LRRK1: variants seen among roughly 807,000 people sequenced by gnomAD.
LRRK1 encodes leucine rich repeat kinase 1, also known as leucine-rich repeat serine/threonine-protein kinase 1.
In LRRK1, 113 loss-of-function variants were observed where a neutral mutation model predicts 209.1. That is an observed-to-expected ratio of 0.54 (90% CI 0.46 to 0.63). The LOEUF is 0.63. LRRK1 is among the 30% of genes least tolerant of loss of function. The probability of loss-of-function intolerance (pLI) is 0.00; values close to 1 mark genes in which losing one functional copy is unlikely to be tolerated. For synonymous variants in LRRK1, 1,144 were observed against 1,099.7 expected (o/e 1.04, Z -0.80); for missense variants, 2,284 against 2,632.2 (o/e 0.87, Z 2.89).
At chr15:101,067,969 C>A (rs943075687) in intron 33 of LRRK1, among the ~76,000 whole-genome samples, 1 of 152,296 alleles carries the variant, frequency 6.6e-6, no homozygotes, top group Non-Finnish European at 1.5e-5. Context: ...CAAGGCCACG[C>A]GGAGTGAGAG....
intron 10 of LRRK1, 109 bp downstream of exon 10, chr15:101,012,254 G>A: frequency 1.9e-6 from 2 of 1,034,158 alleles, no homozygotes; most frequent in Non-Finnish European, 2.8e-6. Flanking sequence ...AAATATAAGG[G>A]GAAAAGATGA....
chr15:100,922,998 C>T lies in LRRK1; in HGVS notation c.-122-1513C>T, dbSNP rs114516494. Among the ~76,000 whole-genome samples the T allele has an allele frequency of 1.3e-4, 20 of 152,294 alleles. 1 individual carries two copies. Among genetic ancestry groups the T allele is most frequent in the African/African-American group, 4.3e-4 (18 of 41,560 alleles). On this transcript the variant is annotated intron_variant, in intron 1 of 33. Transcript: ENST00000388948. ...TTGTCCTGTACCTTACTTCGTGCCC[C>T]TACTGCTCACGGCATCTTCTAGAAC...
chr15:100,928,311 G>C (rs768106146), intron 2 of LRRK1, among the ~76,000 whole-genome samples: 9 of 152,162 alleles, frequency 5.9e-5, no homozygotes, highest in Non-Finnish European at 8.8e-5. Flanking sequence ...TATGACTGCA[G>C]CTGATCCCCC....
chr15:100,960,984 T>C (rs2029901159), intron 2 of LRRK1, among the ~76,000 whole-genome samples: 1 of 152,224 alleles, frequency 6.6e-6, no homozygotes, highest in Admixed American at 6.5e-5. Flanking sequence ...GTCTCATGTT[T>C]GGCTGTTGTC....
intron 6 of LRRK1, among the ~76,000 whole-genome samples, chr15:100,992,488 T>A (rs1567219824): frequency 6.6e-6 from 1 of 152,248 alleles, no homozygotes; most frequent in African/African-American, 2.4e-5. Context: ...ACAGTTTTAC[T>A]TTTTCTCTTT....
intron 32 of LRRK1, 28 bp from the exon 33 acceptor site, chr15:101,066,612 C>T (rs117861619): frequency 0.018 from 29,159 of 1,607,178 alleles, 357 homozygotes; most frequent in Non-Finnish European, 0.02. Flanking sequence ...CGACAAATCG[C>T]TTCCCCTTCT....
rs1192723626 is a variant in LRRK1, at chr15:101,076,932, T to A, written c.*8084T>A. 6.6e-6 allele frequency: 1 copy of A among 152,266 alleles called. No individual in the cohort carries two copies. Among genetic ancestry groups the A allele is most frequent in the Non-Finnish European group, 1.5e-5 (1 of 68,056 alleles). 9.4% of individuals were successfully genotyped at this position (152,266 alleles called of 1,614,324 possible). A position where few individuals can be genotyped will look rare whatever the true frequency, so the allele number is the denominator to read the frequency against. On this transcript the variant is annotated 3_prime_UTR_variant, in exon 34 of 34. Transcript: ENST00000388948. ...TTCCTCGGTTTGGCCTTCCCACCTC[T>A]ATACTGTCTGATAACAGACCAGCCT...
chr15:101,023,170 G>A (rs1396020855), intron 15 of LRRK1, among the ~76,000 whole-genome samples: 8 of 152,038 alleles, frequency 5.3e-5, no homozygotes, highest in South Asian at 2.1e-4. Flanking sequence ...ACACCCTGCC[G>A]TCCCTGACAC....
chr15:100,972,025 C>T (rs1161062098), intron 2 of LRRK1, among the ~76,000 whole-genome samples: 2 of 151,142 alleles, frequency 1.3e-5, no homozygotes, highest in Admixed American at 6.6e-5. Flanking sequence ...TGCAGTGGTG[C>T]GATCTCAGCT....
intron 2 of LRRK1, among the ~76,000 whole-genome samples, chr15:100,946,962 CTTTCT>C (rs2042549781): frequency 6.6e-6 from 1 of 152,096 alleles, no homozygotes; most frequent in South Asian, 2.1e-4. Flanking sequence ...AATTTTCTTT[CTTTCT>C]TTTTTCTTTT....
rs1325490162 is a variant in LRRK1, at chr15:101,024,797, A to C, written c.2068-6A>C. On this transcript the variant is annotated splice_polypyrimidine_tract_variant and splice_region_variant and intron_variant, in intron 15 of 33. Coordinates refer to ENST00000388948, the MANE Select transcript of LRRK1 (RefSeq NM_024652.6). The surrounding 1 kb of genome is among the most constrained non-coding windows in gnomAD (Gnocchi z 4.6). ...CCTCCCTGTCGCTGCCTTGTTGCTC[A>C]AGTAGGTTGAGTCCGTGGAGTTCAA... The C allele has an allele frequency of 1.2e-6, 2 of 1,609,432 alleles. No homozygotes were observed. The highest frequency in any genetic ancestry group is 4.5e-5 in the East Asian group (2 of 44,754).
intron 20 of LRRK1, among the ~76,000 whole-genome samples, chr15:101,030,391 G>T (rs564154252): frequency 9.2e-5 from 14 of 152,144 alleles, no homozygotes; most frequent in Non-Finnish European, 2.1e-4. Context: ...GCAGCTTTGG[G>T]GTCCTCCTTG....
intron 12 of LRRK1, 34 bp downstream of exon 12, chr15:101,015,436 G>T (rs1246938488): frequency 1.3e-6 from 2 of 1,547,282 alleles, no homozygotes; most frequent in Non-Finnish European, 1.8e-6. Context: ...GTTCCCAGAT[G>T]AGACAGCCGG....
intron 28 of LRRK1, among the ~76,000 whole-genome samples, chr15:101,057,668 C>T (rs966057817): frequency 2.0e-5 from 3 of 152,020 alleles, no homozygotes; most frequent in African/African-American, 4.8e-5. Flanking sequence ...GCGCCCTGAT[C>T]GCACCTGTGA....
intron 2 of LRRK1, among the ~76,000 whole-genome samples, chr15:100,955,589 C>A (rs2042736656): frequency 6.6e-6 from 1 of 152,164 alleles, no homozygotes; most frequent in Non-Finnish European, 1.5e-5. Context: ...ATGCTTTCAG[C>A]TTTTCACCAT....
intron 2 of LRRK1, among the ~76,000 whole-genome samples, chr15:100,934,626 C>CAAAAA (rs71151991): frequency 2.8e-5 from 2 of 72,380 alleles, no homozygotes; most frequent in Non-Finnish European, 5.2e-5. Flanking sequence ...CCCATCTCTA[C>CAAAAA]AAAAAAAAAA....
rs150367725 is a variant in LRRK1, at chr15:100,973,211, C to T, written c.98-593C>T. 8.8e-3 allele frequency among the ~76,000 whole-genome samples: 1,338 copies of T among 152,338 alleles called. 10 individuals carry two copies. The highest frequency in any genetic ancestry group is 0.014 in the Non-Finnish European group (950 of 68,028). On this transcript the variant is annotated intron_variant, in intron 2 of 33. Transcript: ENST00000388948. ...CTCCTCCCGAGTGGCAGCAGGTGCT[C>T]GGATGACCGGGAGCAGCCCACGCTC...
chr15:101,065,323 T>C, intron 31 of LRRK1, 29 bp from the exon 32 acceptor site: 1 of 1,601,764 alleles, frequency 6.2e-7, no homozygotes, highest in Non-Finnish European at 8.5e-7. Flanking sequence ...AATGGAAGGA[T>C]GTGACACATC....
chr15:101,061,152 C>T lies in LRRK1; in HGVS notation c.4680-19C>T. 6.4e-7 allele frequency: 1 copy of T among 1,560,538 alleles called. No individual in the cohort carries two copies. Among genetic ancestry groups the T allele is most frequent in the Non-Finnish European group, 8.8e-7 (1 of 1,139,560 alleles). ...CCCTGGCCCCCGGGCACTGACAGCA[C>T]AGTTTCTGCCACTTACAGGAACTAC... On this transcript the variant is annotated intron_variant, in intron 29 of 33. Coordinates refer to ENST00000388948, the MANE Select transcript of LRRK1 (RefSeq NM_024652.6).
Sources: gnomAD v4.1 joint callset for allele counts (sites outside exome capture counted in the v4.1 genomes callset) on GRCh38, gnomAD v4.1.1 for gene constraint, Gnocchi (gnomAD v3.1) non-coding constraint, MANE v1.5 for transcripts, NCBI Gene and HGNC (gene_info 2026-07-23, HGNC 2026-07-21) for gene names.